Variants in RABGAP1L observed in about 807,000 individuals in gnomAD.
RABGAP1L encodes rab GTPase-activating protein 1-like.
In RABGAP1L, 63 loss-of-function variants were observed where a neutral mutation model predicts 137.7. That is an observed-to-expected ratio of 0.46 (90% CI 0.37 to 0.56). The LOEUF (loss-of-function observed/expected upper bound fraction) is 0.56. RABGAP1L is among the 20% of genes least tolerant of loss of function. The pLI, the probability that RABGAP1L is intolerant of heterozygous loss-of-function variation, is 0.00. For synonymous variants in RABGAP1L, 431 were observed against 433.7 expected, an observed-to-expected ratio of 0.99 and a Z score of 0.08; for missense variants, 1,095 against 1,244.0, an observed-to-expected ratio of 0.88 and a Z score of 1.80.
intron 14 of RABGAP1L, among the ~76,000 whole-genome samples, chr1:174,657,993 C>G (rs573705631): frequency 6.6e-6 from 1 of 152,268 alleles, no homozygotes; most frequent in South Asian, 2.1e-4. Flanking sequence ...AATGATAATT[C>G]TCTGGGAATA....
chr1:174,175,528 T>C (rs1401344142), intron 1 of RABGAP1L, among the ~76,000 whole-genome samples: 1 of 151,238 alleles, frequency 6.6e-6, no homozygotes, highest in Non-Finnish European at 1.5e-5. Flanking sequence ...CTTGCTATCT[T>C]GGCTCACTGT....
At chr1:174,804,638 C>T (rs1329439472) in intron 18 of RABGAP1L, among the ~76,000 whole-genome samples, 1 of 152,102 alleles carries the variant, frequency 6.6e-6, no homozygotes, top group Non-Finnish European at 1.5e-5. Context: ...AATTTTGCTA[C>T]TATATGCCAT....
At chr1:174,911,140 T>C (rs1431716905) in intron 19 of RABGAP1L, among the ~76,000 whole-genome samples, 1 of 152,212 alleles carries the variant, frequency 6.6e-6, no homozygotes, top group Non-Finnish European at 1.5e-5. Flanking sequence ...TTTTAAATTT[T>C]TTTATTTTTA....
At chr1:174,307,456 C>A (rs1455640596) in intron 11 of RABGAP1L, among the ~76,000 whole-genome samples, 2 of 152,166 alleles carry the variant, frequency 1.3e-5, no homozygotes, top group African/African-American at 4.8e-5. Context: ...CAGTCACTCT[C>A]TGTTCTCCCC....
At chr1:174,708,462 C>T (rs1456160543) in intron 17 of RABGAP1L, among the ~76,000 whole-genome samples, 3 of 152,116 alleles carry the variant, frequency 2.0e-5, no homozygotes, top group South Asian at 4.1e-4. Flanking sequence ...CTCACTGGGA[C>T]TGGTTAGACA....
chr1:174,178,688 T>C (rs144313937), intron 1 of RABGAP1L, among the ~76,000 whole-genome samples: 2,280 of 152,248 alleles, frequency 0.015, 19 homozygotes, highest in Non-Finnish European at 0.023. Context: ...GGCAGGGACA[T>C]GGATGAAGCT....
intron 16 of RABGAP1L, among the ~76,000 whole-genome samples, chr1:174,699,978 A>G (rs1287386016): frequency 1.3e-5 from 2 of 152,210 alleles, no homozygotes; most frequent in Non-Finnish European, 2.9e-5. Flanking sequence ...TGAAATACCT[A>G]AGAGCTTTCT....
At position 174,327,984 on chromosome 1, in the gene RABGAP1L, C is replaced by CATATATATATATGT. The variant is rs1314813386; in HGVS notation, c.1465+22858_1465+22859insTATATATATATGTA. ...ATATATATATATATATATATACACA[C>CATATATATATATGT]ACATATATATATATATATATATATA... On this transcript the variant is annotated intron_variant, in intron 11 of 25. Transcript: ENST00000681986. Among the ~76,000 whole-genome samples the CATATATATATATGT allele has an allele frequency of 1.2e-3, 44 of 37,858 alleles. 1 individual carries two copies. Among genetic ancestry groups the CATATATATATATGT allele is most frequent in the African/African-American group, 4.6e-3 (42 of 9,172 alleles). The allele number at this position is 37,858 out of a possible 152,430, so 24.8% of individuals were successfully genotyped here. A position where few individuals can be genotyped will look rare whatever the true frequency, so the allele number is the denominator to read the frequency against.
At position 174,990,660 on chromosome 1, in the gene RABGAP1L, A is replaced by C. The variant is rs2149402588; in HGVS notation, c.*659A>C. ...GGTAAAAGGAACTGAAATTTTAATAAGTGTAGGTCAGGATCATTTGGGCTG... is the reference window on the plus strand; with the variant it reads ...GGTAAAAGGAACTGAAATTTTAATACGTGTAGGTCAGGATCATTTGGGCTG... On this transcript the variant is annotated 3_prime_UTR_variant, in exon 26 of 26. Transcript: ENST00000681986. The C allele has an allele frequency of 6.6e-6, 1 of 152,348 alleles. No homozygotes were observed. The highest frequency in any genetic ancestry group is 1.9e-4 in the East Asian group (1 of 5,194). 9.4% of individuals were successfully genotyped at this position (152,348 alleles called of 1,614,324 possible).
chr1:174,492,077 G>GC (rs1660292346), intron 13 of RABGAP1L, among the ~76,000 whole-genome samples: 1 of 151,784 alleles, frequency 6.6e-6, no homozygotes, highest in Non-Finnish European at 1.5e-5. Flanking sequence ...CTTAGAAGGT[G>GC]CTTTTTTGGT....
rs531472499 is a variant in RABGAP1L, at chr1:174,934,190, G to A, written c.2341-23267G>A. 3.3e-5 allele frequency among the ~76,000 whole-genome samples: 5 copies of A among 152,178 alleles called. No individual in the cohort carries two copies. The South Asian group carries it at 1.0e-3, about 31-fold the overall frequency. ...TGCAACCTCCACCTCCTGGGTTCAA[G>A]CAATTCTCCTGCCTCAGCCTCCCAA... On this transcript the variant is annotated intron_variant, in intron 19 of 25. Transcript: ENST00000681986.
chr1:174,814,235 C>T lies in RABGAP1L; in HGVS notation c.2340+2275C>T, dbSNP rs542044028. ...GTACAACCAGAATAAATTTTTTGGA[C>T]ATGAATAGGTAAATATGAATATTTT... On this transcript the variant is annotated intron_variant, in intron 19 of 25. Transcript: ENST00000681986. Among the ~76,000 whole-genome samples the T allele has an allele frequency of 2.6e-5, 4 of 152,102 alleles. 1 individual carries two copies. Among genetic ancestry groups the T allele is most frequent in the African/African-American group, 9.6e-5 (4 of 41,512 alleles).
At chr1:174,733,988 T>G (rs1682725603) in intron 17 of RABGAP1L, among the ~76,000 whole-genome samples, 1 of 152,170 alleles carries the variant, frequency 6.6e-6, no homozygotes, top group Non-Finnish European at 1.5e-5. Flanking sequence ...CCAAAAAGAT[T>G]TGCTGATGGT....
intron 12 of RABGAP1L, among the ~76,000 whole-genome samples, chr1:174,376,014 G>T (rs1685503446): frequency 1.3e-5 from 2 of 152,114 alleles, no homozygotes; most frequent in South Asian, 4.2e-4. Flanking sequence ...GTTGCAGTGA[G>T]CTCAGATTGT....
intron 1 of RABGAP1L, among the ~76,000 whole-genome samples, chr1:174,218,004 A>C (rs1264089503): frequency 1.3e-5 from 2 of 152,200 alleles, no homozygotes; most frequent in Non-Finnish European, 2.9e-5. Flanking sequence ...GGCATGGATC[A>C]GTAGACTTAC....
At chr1:174,490,554 A>G (rs758631196) in intron 13 of RABGAP1L, among the ~76,000 whole-genome samples, 49 of 152,114 alleles carry the variant, frequency 3.2e-4, no homozygotes, top group Non-Finnish European at 6.5e-4. Flanking sequence ...GTCTCACTCA[A>G]GGCCCAGTAT....
chr1:174,351,443 T>C (rs1170867283), intron 11 of RABGAP1L, among the ~76,000 whole-genome samples: 2 of 152,228 alleles, frequency 1.3e-5, no homozygotes, highest in East Asian at 3.8e-4. Flanking sequence ...TCACTGAATA[T>C]ACTATCCTAA....
At position 174,937,619 on chromosome 1, in the gene RABGAP1L, A is replaced by AATATATATATATATATATATATAT. The variant is rs148901840; in HGVS notation, c.2341-19822_2341-19821insATATATATATATATATATATATAT. 1.4e-3 allele frequency among the ~76,000 whole-genome samples: 155 copies of AATATATATATATATATATATATAT among 109,562 alleles called. 6 individuals carry two copies. Among genetic ancestry groups the AATATATATATATATATATATATAT allele is most frequent in the African/African-American group, 6.6e-3 (131 of 19,844 alleles). The allele number at this position is 109,562 out of a possible 152,430, so 71.9% of individuals were successfully genotyped here. A position where few individuals can be genotyped will look rare whatever the true frequency, so the allele number is the denominator to read the frequency against. On this transcript the variant is annotated intron_variant, in intron 19 of 25. Transcript: ENST00000681986. Reference sequence around the variant, plus strand: ...ATTTTTAAATAGCAATACTTCATTAAATATATATATATATATCTTGCAGTT... The same window carrying AATATATATATATATATATATATAT: ...ATTTTTAAATAGCAATACTTCATTAAATATATATATATATATATATATATATATATATATATATATCTTGCAGTT...
At chr1:174,773,183 T>TGTGTGTGTGTGTGTGTGTGTG (rs1558063939) in intron 18 of RABGAP1L, among the ~76,000 whole-genome samples, 4 of 145,668 alleles carry the variant, frequency 2.7e-5, no homozygotes, top group Non-Finnish European at 4.7e-5. Context: ...TGTGTGTGTG[T>TGTGTGTGTGTGTGTGTGTGTG]TTATTTTAAA....
Sources: allele counts gnomAD v4.1 joint callset (sites outside exome capture counted in the v4.1 genomes callset), GRCh38; gene constraint gnomAD v4.1.1; transcripts MANE v1.5; gene names NCBI Gene and HGNC (gene_info 2026-07-23, HGNC 2026-07-21).